The following PLA2R1 variants were observed in gnomAD, a reference collection of about 807,000 sequenced individuals.
PLA2R1 encodes the protein secretory phospholipase A2 receptor.
Under a neutral mutation model 195.9 loss-of-function variants are expected in PLA2R1, and 158 were observed. The observed-to-expected ratio is 0.81, with a 90% CI of 0.71 to 0.92. The LOEUF (loss-of-function observed/expected upper bound fraction) is 0.92, where lower values mean the gene tolerates loss of function less well. Ranked by LOEUF, PLA2R1 falls within the 40% of genes least tolerant of loss-of-function variation. The pLI, the probability that PLA2R1 is intolerant of heterozygous loss-of-function variation, is 0.00. For missense variants in PLA2R1, 1,626 were observed against 1,764.6 expected (o/e 0.92, Z 1.41); for synonymous variants, 586 against 598.2 (o/e 0.98, Z 0.30).
intron 9 of PLA2R1, among the ~76,000 whole-genome samples, chr2:160,013,721 C>CTGTGTGTGTG (rs71000325): frequency 1.7e-4 from 20 of 116,630 alleles, no homozygotes; most frequent in South Asian, 2.8e-4. Flanking sequence ...CTCTCTCTCT[C>CTGTGTGTGTG]TGTGTGTGTG....
At chr2:159,929,852 TTG>T (rs749572220), downstream of PLA2R1, among the ~76,000 whole-genome samples, 286 of 147,346 alleles carry the variant, frequency 1.9e-3, 2 homozygotes, top group African/African-American at 4.7e-3. Flanking sequence ...TATTATATAT[TTG>T]TGTGTGTGTG....
chr2:159,952,556 T>A lies in PLA2R1; in HGVS notation c.3302-978A>T, dbSNP rs531109192. Among the ~76,000 whole-genome samples the A allele has an allele frequency of 4.6e-5, 7 of 152,334 alleles. No homozygotes were observed. The South Asian group carries it at 1.4e-3, about 32-fold the overall frequency. ...CTACATTTGGTGTTGGAAAGAAGCATGTGAGGTGTGGATAGGTCATGAGGC... is the reference window on the plus strand; with the variant it reads ...CTACATTTGGTGTTGGAAAGAAGCAAGTGAGGTGTGGATAGGTCATGAGGC... On this transcript the variant is annotated intron_variant, in intron 23 of 29. Transcript: ENST00000283243.
chr2:159,941,841 G>A lies in PLA2R1; in HGVS notation c.4329C>T (p.Asn1443=). Residue 1443 remains asparagine (N), a synonymous_variant, in exon 30 of 30, where the codon AAC becomes AAT. Coordinates refer to ENST00000283243, the MANE Select transcript of PLA2R1 (RefSeq NM_007366.5). Reference sequence around the variant, plus strand: ...TTTCTTCTAAATATACTGTACTAAAGTTGGTTGCAGGATAGTAAGGATTCC... The same window carrying A: ...TTTCTTCTAAATATACTGTACTAAAATTGGTTGCAGGATAGTAAGGATTCC... The part of the protein sequence containing the change: ...GFRNPYYPAT[N]FSTVYLEENI... 4 of 1,612,664 alleles carry A rather than the reference G, an allele frequency of 2.5e-6. No individual in the cohort carries two copies. Among genetic ancestry groups the A allele is most frequent in the Non-Finnish European group, 3.4e-6 (4 of 1,178,780 alleles).
chr2:159,962,728 T>G (rs946856416), intron 20 of PLA2R1, among the ~76,000 whole-genome samples: 8 of 152,192 alleles, frequency 5.3e-5, no homozygotes, highest in Non-Finnish European at 1.0e-4. Context: ...GTTCATGTCC[T>G]TTGCAGGGAC....
chr2:160,039,013 C>G (rs539371112), intron 3 of PLA2R1, among the ~76,000 whole-genome samples: 1 of 152,016 alleles, frequency 6.6e-6, no homozygotes, highest in South Asian at 2.1e-4. Flanking sequence ...ATTACAGGTG[C>G]CTACCACCAC....
At chr2:159,955,017 G>C (rs1462973125) in intron 23 of PLA2R1, among the ~76,000 whole-genome samples, 182 bp downstream of exon 23, 1 of 152,150 alleles carries the variant, frequency 6.6e-6, no homozygotes, top group African/African-American at 2.4e-5. Flanking sequence ...TCCCACTAAA[G>C]GGCATAAGCC....
intron 11 of PLA2R1, among the ~76,000 whole-genome samples, chr2:159,994,100 T>C (rs1691039277): frequency 1.3e-5 from 2 of 151,962 alleles, no homozygotes; most frequent in African/African-American, 2.4e-5. Flanking sequence ...TGGGACATTA[T>C]GTGCCTCTAG....
intron 11 of PLA2R1, among the ~76,000 whole-genome samples, chr2:160,000,499 G>A (rs1306824875): frequency 6.6e-6 from 1 of 152,074 alleles, no homozygotes; most frequent in African/African-American, 2.4e-5. Context: ...ACTTCACCCT[G>A]GGGGTGAGAG....
chr2:159,928,856 C>T (rs1292955582), downstream of PLA2R1, among the ~76,000 whole-genome samples: 1 of 152,194 alleles, frequency 6.6e-6, no homozygotes, highest in Non-Finnish European at 1.5e-5. Flanking sequence ...CAAATACTTA[C>T]AGCCAACTGA....
rs1686990313 is a variant in PLA2R1, at chr2:159,939,431, G to A, written c.*2347C>T. The A allele has an allele frequency of 6.6e-6, 1 of 150,482 alleles. No homozygotes were observed. Among genetic ancestry groups the A allele is most frequent in the African/African-American group, 2.4e-5 (1 of 40,886 alleles). The allele number at this position is 150,482 out of a possible 1,614,324, so 9.3% of individuals were successfully genotyped here. A position where few individuals can be genotyped will look rare whatever the true frequency, so the allele number is the denominator to read the frequency against. On this transcript the variant is annotated 3_prime_UTR_variant, in exon 30 of 30. Transcript: ENST00000283243. ...TGAGGCAGGAAACTTGCTCGAACCA[G>A]GCAGTTGAAGGTTGCAGTGAGCTGA...
At chr2:159,963,674 C>T (rs150553543) in intron 20 of PLA2R1, among the ~76,000 whole-genome samples, 2 of 152,208 alleles carry the variant, frequency 1.3e-5, no homozygotes, top group African/African-American at 4.8e-5. Flanking sequence ...AAATGCAAAT[C>T]GAAATCACAA....
Position 159,944,997 on chromosome 2 carries a change from G to A in PLA2R1, c.4053C>T (p.Pro1351=). 6.2e-7 allele frequency: 1 copy of A among 1,613,516 alleles called. No individual in the cohort carries two copies. Among genetic ancestry groups the A allele is most frequent in the African/African-American group, 1.3e-5 (1 of 74,928 alleles). Residue 1351 remains proline, a synonymous_variant, in exon 28 of 30, where the codon CCC becomes CCT. Coordinates refer to ENST00000283243, the MANE Select transcript of PLA2R1 (RefSeq NM_007366.5). ...GGATCCTCAAGGCAACACAATGATG[G>A]GGCTTGAAGTAGTCTGTGTCTGGCT... is the stretch of plus-strand genomic sequence containing the variant. ...IRKPDTDYFK[P]HHCVALRIPE...
At chr2:160,041,610 G>C (rs545373679) in intron 3 of PLA2R1, among the ~76,000 whole-genome samples, 1 of 150,090 alleles carries the variant, frequency 6.7e-6, no homozygotes, top group African/African-American at 2.4e-5. Flanking sequence ...CAATGGGCGA[G>C]ACAAGCAGCA....
In PLA2R1 at chr2:159,932,086, G is replaced by A. The variant is rs1686615897; in HGVS notation, c.*9692C>T. On this transcript the variant is annotated 3_prime_UTR_variant, in exon 30 of 30. Transcript: ENST00000283243. Reference sequence around the variant, plus strand: ...TTCTAAAGCAATGCATAAACAAGTGGGCCTTCTTGCTTAATATCTCTTTTT... The same window carrying A: ...TTCTAAAGCAATGCATAAACAAGTGAGCCTTCTTGCTTAATATCTCTTTTT... 2.0e-5 allele frequency: 3 copies of A among 152,212 alleles called. No homozygotes were observed. In the South Asian group the frequency reaches 6.2e-4, roughly 32 times the overall value. The allele number at this position is 152,212 out of a possible 1,614,324, so 9.4% of individuals were successfully genotyped here. A position where few individuals can be genotyped will look rare whatever the true frequency, so the allele number is the denominator to read the frequency against.
chr2:159,926,288 T>C, the PLA2R1 span, among the ~76,000 whole-genome samples: 1 of 152,238 alleles, frequency 6.6e-6, no homozygotes, highest in Non-Finnish European at 1.5e-5. Context: ...ATATTATCAC[T>C]GTGTTTTGGA....
At chr2:159,957,945 T>TA (rs1368374474) in intron 20 of PLA2R1, among the ~76,000 whole-genome samples, 1 of 152,200 alleles carries the variant, frequency 6.6e-6, no homozygotes, top group Non-Finnish European at 1.5e-5. Context: ...CAGATAACCC[T>TA]AGTCATTGAT....
chr2:159,964,763 C>CA (rs1688674250), intron 20 of PLA2R1, among the ~76,000 whole-genome samples: 1 of 151,866 alleles, frequency 6.6e-6, no homozygotes, highest in African/African-American at 2.4e-5. Flanking sequence ...AGGTTCACAG[C>CA]AAAGTTAAGA....
At chr2:160,039,583 C>A (rs1489242928) in intron 3 of PLA2R1, among the ~76,000 whole-genome samples, 1 of 152,112 alleles carries the variant, frequency 6.6e-6, no homozygotes, top group Non-Finnish European at 1.5e-5. Flanking sequence ...TCCACTCACT[C>A]TTCTCTGTCC....
intron 20 of PLA2R1, among the ~76,000 whole-genome samples, chr2:159,965,996 T>A (rs1270242018): frequency 6.6e-6 from 1 of 152,198 alleles, no homozygotes; most frequent in African/African-American, 2.4e-5. Context: ...TGATGCGTAT[T>A]CACTGTGAAG....
Sources: gnomAD v4.1 joint callset for allele counts (sites outside exome capture counted in the v4.1 genomes callset) on GRCh38, gnomAD v4.1.1 for gene constraint, MANE v1.5 for transcripts, NCBI Gene and HGNC (gene_info 2026-07-23, HGNC 2026-07-21) for gene names.